The following SLCO1C1 variants were observed in gnomAD, a reference collection of about 807,000 sequenced individuals.
SLCO1C1 encodes the protein OAT-RP-5.
A neutral mutation model predicts 76.4 loss-of-function variants in SLCO1C1; 70 were observed. The observed-to-expected ratio is 0.92, with a 90% confidence interval of 0.76 to 1.12. The LOEUF is 1.12. Among genes scored for constraint, SLCO1C1 ranks in the 50% most tolerant of loss-of-function variants. The probability of loss-of-function intolerance (pLI) is 0.00; values close to 1 mark genes in which losing one functional copy is unlikely to be tolerated. For missense variants in SLCO1C1, 912 were observed against 823.8 expected (o/e 1.11, Z -1.31); for synonymous variants, 306 against 286.1 (o/e 1.07, Z -0.70).
At chr12:20,727,590 A>G (rs952744108) in intron 9 of SLCO1C1, among the ~76,000 whole-genome samples, 12 of 152,144 alleles carry the variant, frequency 7.9e-5, no homozygotes, top group Non-Finnish European at 1.8e-4. Flanking sequence ...GCTCACTGCA[A>G]GCTCCGCCTC....
At chr12:20,748,758 GTGTT>G (rs1308133621) in intron 13 of SLCO1C1, among the ~76,000 whole-genome samples, 2 of 152,072 alleles carry the variant, frequency 1.3e-5, no homozygotes, top group African/African-American at 4.8e-5. Flanking sequence ...ACTATTGGAT[GTGTT>G]TGTTTGCTTG....
At chr12:20,740,624 T>G (rs1367400142) in intron 12 of SLCO1C1, among the ~76,000 whole-genome samples, 1 of 151,422 alleles carries the variant, frequency 6.6e-6, no homozygotes, top group Non-Finnish European at 1.5e-5. Flanking sequence ...ATCACTAGAG[T>G]TGCTTAATAA....
At chr12:20,717,051 A>T in intron 6 of SLCO1C1, 81 bp from the exon 7 acceptor site, 1 of 1,281,348 alleles carries the variant, frequency 7.8e-7, no homozygotes, top group East Asian at 2.4e-5. Flanking sequence ...TGGATCACAC[A>T]TTTCTTGTTT....
intron 13 of SLCO1C1, 106 bp from the exon 14 acceptor site, chr12:20,750,569 C>A: frequency 1.0e-6 from 1 of 1,004,514 alleles, no homozygotes; most frequent in Non-Finnish European, 1.5e-6. Context: ...GATGGCCTTT[C>A]ATCTCCAAAA....
intron 7 of SLCO1C1, among the ~76,000 whole-genome samples, chr12:20,720,334 T>C (rs1408604456): frequency 1.3e-5 from 2 of 152,222 alleles, no homozygotes; most frequent in African/African-American, 4.8e-5. Flanking sequence ...TTATACCCCA[T>C]GGATCAAGGA....
intron 5 of SLCO1C1, among the ~76,000 whole-genome samples, chr12:20,713,105 AG>A (rs933581673): frequency 3.1e-5 from 4 of 130,272 alleles, no homozygotes; most frequent in African/African-American, 1.2e-4. Flanking sequence ...TTTGAGACGG[AG>A]TCTCGCTCTG....
At chr12:20,747,673 T>G (rs1554147) in intron 13 of SLCO1C1, among the ~76,000 whole-genome samples, 66,201 of 151,942 alleles carry the variant, frequency 0.44, 17,156 homozygotes, top group South Asian at 0.63. Context: ...CTGGATTTTT[T>G]AAGTGGTAAA....
At chr12:20,744,634 C>T (rs1364375262) in intron 13 of SLCO1C1, among the ~76,000 whole-genome samples, 1 of 151,932 alleles carries the variant, frequency 6.6e-6, no homozygotes, top group African/African-American at 2.4e-5. Flanking sequence ...TGACAAATTA[C>T]CAAATTTTGT....
At chr12:20,711,677 T>C (rs1947110109) in intron 5 of SLCO1C1, among the ~76,000 whole-genome samples, 167 bp downstream of exon 5, 1 of 150,886 alleles carries the variant, frequency 6.6e-6, no homozygotes, top group Admixed American at 6.6e-5. Flanking sequence ...CAGTATATGA[T>C]TAGATCCTAA....
rs554100929 is a variant in SLCO1C1, at chr12:20,752,817, T to C, written c.*289T>C. ...GCTCATTGATATATATTAGCTGTAC[T>C]CCTAGAAGAACAATTGTCTCTATTG... On this transcript the variant is annotated 3_prime_UTR_variant, in exon 15 of 15. Coordinates refer to ENST00000266509, the MANE Select transcript of SLCO1C1 (RefSeq NM_017435.5). 6.1e-5 allele frequency: 12 copies of C among 195,582 alleles called. No homozygotes were observed. Among genetic ancestry groups the C allele is most frequent in the Admixed American group, 1.7e-4 (3 of 17,598 alleles). The allele number at this position is 195,582 out of a possible 1,614,324, so 12.1% of individuals were successfully genotyped here. A position where few individuals can be genotyped will look rare whatever the true frequency, so the allele number is the denominator to read the frequency against.
chr12:20,724,257 A>T (rs1592275671), intron 9 of SLCO1C1, among the ~76,000 whole-genome samples: 1 of 151,674 alleles, frequency 6.6e-6, no homozygotes, highest in East Asian at 1.9e-4. Flanking sequence ...ATTGATTTTA[A>T]CATGAATAGA....
intron 9 of SLCO1C1, among the ~76,000 whole-genome samples, chr12:20,729,832 G>A (rs1020583144): frequency 2.6e-5 from 4 of 152,088 alleles, no homozygotes; most frequent in Non-Finnish European, 4.4e-5. Context: ...AATATCTTGT[G>A]TGGAAGGATC....
chr12:20,724,428 T>C (rs1290098249), intron 9 of SLCO1C1, among the ~76,000 whole-genome samples: 1 of 114,366 alleles, frequency 8.7e-6, no homozygotes, highest in Non-Finnish European at 1.7e-5. Context: ...TATATATATA[T>C]ATATATATAT....
chr12:20,743,467 G>C, intron 13 of SLCO1C1, 98 bp downstream of exon 13: 2 of 879,408 alleles, frequency 2.3e-6, no homozygotes, highest in Non-Finnish European at 3.5e-6. Context: ...ATAAATATAT[G>C]TTGTAGGTGG....
At chr12:20,718,000 CAAAT>C (rs1038676465) in intron 7 of SLCO1C1, among the ~76,000 whole-genome samples, 4 of 152,168 alleles carry the variant, frequency 2.6e-5, no homozygotes, top group Admixed American at 6.5e-5. Flanking sequence ...GCATTTAAAT[CAAAT>C]AAACTACAAG....
intron 10 of SLCO1C1, 37 bp from the exon 11 acceptor site, chr12:20,737,070 A>G (rs981085871): frequency 7.0e-7 from 1 of 1,431,204 alleles, no homozygotes; most frequent in African/African-American, 1.5e-5. Context: ...GCTACCTGCT[A>G]AGAGGTAATA....
intron 1 of SLCO1C1, chr12:20,696,912 T>C (rs1215940135): frequency 6.6e-6 from 1 of 152,104 alleles, no homozygotes; most frequent in Non-Finnish European, 1.5e-5. Context: ...AGTAAAGCTA[T>C]GCAGTGCCAA....
intron 10 of SLCO1C1, among the ~76,000 whole-genome samples, chr12:20,734,883 T>C (rs1261966934): frequency 2.0e-5 from 3 of 152,208 alleles, no homozygotes; most frequent in Non-Finnish European, 4.4e-5. Context: ...AATTTCTTTG[T>C]ATATTTTTGA....
At chr12:20,738,872 G>C (rs149551494) in intron 11 of SLCO1C1, among the ~76,000 whole-genome samples, 67 of 152,176 alleles carry the variant, frequency 4.4e-4, no homozygotes, top group African/African-American at 1.6e-3. Context: ...TTTATCTAGT[G>C]AGCGACCAGA....
Sources: gnomAD v4.1 joint callset for allele counts (sites outside exome capture counted in the v4.1 genomes callset) on GRCh38, gnomAD v4.1.1 for gene constraint, MANE v1.5 for transcripts, NCBI Gene and HGNC (gene_info 2026-07-23, HGNC 2026-07-21) for gene names.